Variants in FBXW8 observed in about 807,000 individuals in gnomAD.
FBXW8 encodes the protein F-box/WD repeat-containing protein 8.
FBXW8 carries 57 observed loss-of-function variants against 65.3 expected under a neutral mutation model. The ratio of observed to expected loss-of-function variants is 0.87; its 90% confidence interval spans 0.71 to 1.09. The LOEUF (loss-of-function observed/expected upper bound fraction) is 1.09. Ranked by LOEUF, FBXW8 falls within the 50% of genes least tolerant of loss-of-function variation. FBXW8 has a pLI of 0.00. For missense variants in FBXW8, 777 were observed against 814.8 expected, an observed-to-expected ratio of 0.95 and a Z score of 0.57; for synonymous variants, 308 against 330.2, an observed-to-expected ratio of 0.93 and a Z score of 0.73.
chr12:116,920,099 T>C lies in FBXW8; in HGVS notation c.319-7924T>C, dbSNP rs924112548. ...TTTGCCTGCCTTTTAAAGCTCAGCT[T>C]GAGTTCTGTCTCCTGTGTTAATTCT... On this transcript the variant is annotated intron_variant, in intron 1 of 10. Coordinates refer to ENST00000652555, the MANE Select transcript of FBXW8 (RefSeq NM_153348.3). 4.6e-5 allele frequency among the ~76,000 whole-genome samples: 7 copies of C among 152,254 alleles called. No homozygotes were observed. In the South Asian group the frequency reaches 1.2e-3, roughly 27 times the overall value.
chr12:116,976,383 CT>C (rs1227507622), intron 5 of FBXW8, among the ~76,000 whole-genome samples: 1 of 102,890 alleles, frequency 9.7e-6, no homozygotes, highest in African/African-American at 4.0e-5. Flanking sequence ...CTCCCCTTTT[CT>C]TTAAAAAAAA....
chr12:116,966,178 T>C (rs1416174767), intron 5 of FBXW8, among the ~76,000 whole-genome samples: 1 of 152,206 alleles, frequency 6.6e-6, no homozygotes, highest in Non-Finnish European at 1.5e-5. Context: ...CTGAGCTGTT[T>C]CTGTGGTATA....
intron 1 of FBXW8, among the ~76,000 whole-genome samples, chr12:116,917,651 T>C (rs948403924): frequency 3.9e-5 from 6 of 152,220 alleles, no homozygotes; most frequent in Admixed American, 3.9e-4. Context: ...GAGTGTCATC[T>C]GGCTGGTATA....
At chr12:116,990,188 GAT>G (rs1195593819) in intron 7 of FBXW8, among the ~76,000 whole-genome samples, 1 of 152,218 alleles carries the variant, frequency 6.6e-6, no homozygotes, top group African/African-American at 2.4e-5. Context: ...AGCGGTAGAC[GAT>G]ATGTGTGGCA....
At chr12:116,923,324 G>A (rs930412509) in intron 1 of FBXW8, among the ~76,000 whole-genome samples, 2 of 151,914 alleles carry the variant, frequency 1.3e-5, no homozygotes, top group Admixed American at 6.5e-5. Context: ...AATACAGGAC[G>A]AAAGTCCCCA....
rs1242935332 is a variant in FBXW8, at chr12:116,944,083, G to T, written c.424-1281G>T. Among the ~76,000 whole-genome samples, 5 of 152,192 alleles carry T rather than the reference G, an allele frequency of 3.3e-5. No homozygotes were observed. The East Asian group carries it at 9.6e-4, about 29-fold the overall frequency. ...TTTTTACAGCTGCTATCTTCACGAG[G>T]TTGTTGATTTTTAAGGCAATCCTGG... On this transcript the variant is annotated intron_variant, in intron 2 of 10. Coordinates refer to ENST00000652555, the MANE Select transcript of FBXW8 (RefSeq NM_153348.3).
chr12:116,963,233 T>C (rs2137387160), intron 4 of FBXW8, among the ~76,000 whole-genome samples: 1 of 152,322 alleles, frequency 6.6e-6, no homozygotes, highest in South Asian at 2.1e-4. Flanking sequence ...GCAATATATG[T>C]ATTTACTGTA....
rs375530922 is a variant in FBXW8, at chr12:117,010,399, A to C, written c.1316A>C (p.Asn439Thr). ...GTTCTCCGTGACTTCACGTGTGTCA[A>C]CCTCAGCGACAGCCCTCCCAACCTC... ...GNVLRDFTCV[N>T]LSDSPPNLMV... Residue 439 changes from asparagine (N) to threonine (T), a missense_variant, in exon 8 of 11, where the codon AAC (asparagine) becomes ACC (threonine). Coordinates refer to ENST00000652555, the MANE Select transcript of FBXW8 (RefSeq NM_153348.3). 1.9e-6 allele frequency: 3 copies of C among 1,614,054 alleles called. No individual in the cohort carries two copies. The highest frequency in any genetic ancestry group is 1.1e-5 in the South Asian group (1 of 91,084).
At chr12:116,984,023 C>A (rs2135666866) in intron 5 of FBXW8, among the ~76,000 whole-genome samples, 1 of 152,264 alleles carries the variant, frequency 6.6e-6, no homozygotes, top group Non-Finnish European at 1.5e-5. Context: ...ACATTTATTT[C>A]TTGGTGAATT....
Position 116,999,823 on chromosome 12 carries a change from C to T in FBXW8, c.1240-10500C>T, listed in dbSNP as rs115052869. Among the ~76,000 whole-genome samples the T allele has an allele frequency of 9.3e-3, 1,415 of 152,274 alleles. 21 individuals carry two copies. The highest frequency in any genetic ancestry group is 0.032 in the African/African-American group (1,338 of 41,556). Reference sequence around the variant, plus strand: ...TCAATGTGCCACATTCATTCCTGACCGGGGACTGGCACTAGCATCCCCTCT... The same window carrying T: ...TCAATGTGCCACATTCATTCCTGACTGGGGACTGGCACTAGCATCCCCTCT... On this transcript the variant is annotated intron_variant, in intron 7 of 10. Coordinates refer to ENST00000652555, the MANE Select transcript of FBXW8 (RefSeq NM_153348.3).
At chr12:116,930,310 A>C (rs1881670893) in intron 2 of FBXW8, among the ~76,000 whole-genome samples, 1 of 152,104 alleles carries the variant, frequency 6.6e-6, no homozygotes, top group Non-Finnish European at 1.5e-5. Flanking sequence ...CCTTCTCTCC[A>C]TGTCTTTGCC....
At chr12:117,006,870 CCAT>C (rs1399202819) in intron 7 of FBXW8, among the ~76,000 whole-genome samples, 2 of 152,146 alleles carry the variant, frequency 1.3e-5, no homozygotes, top group African/African-American at 2.4e-5. Flanking sequence ...TATAAACAAT[CCAT>C]ATGGAGTTGT....
At chr12:116,998,140 A>G (rs1418287392) in intron 7 of FBXW8, among the ~76,000 whole-genome samples, 2 of 152,172 alleles carry the variant, frequency 1.3e-5, no homozygotes, top group African/African-American at 4.8e-5. Flanking sequence ...TTTTAAAAGA[A>G]TGCATTTATG....
At chr12:116,991,612 G>T (rs945348531) in intron 7 of FBXW8, among the ~76,000 whole-genome samples, 1 of 152,196 alleles carries the variant, frequency 6.6e-6, no homozygotes, top group African/African-American at 2.4e-5. Flanking sequence ...AGTAGAGTTT[G>T]CCTGGAGCTA....
At chr12:116,971,866 GTTT>G (rs1429501748) in intron 5 of FBXW8, among the ~76,000 whole-genome samples, 1 of 152,132 alleles carries the variant, frequency 6.6e-6, no homozygotes, top group African/African-American at 2.4e-5. Flanking sequence ...GTCATGAATT[GTTT>G]TTCACACCAA....
At position 116,953,983 on chromosome 12, in the gene FBXW8, G is replaced by A. The variant is rs375930820; in HGVS notation, c.677+4277G>A. ...ACAAAAATTAGCTGGGCGTGGTGGC[G>A]GGCACCTGTAATCCTAGCTACTTGG... On this transcript the variant is annotated intron_variant, in intron 4 of 10. Coordinates refer to ENST00000652555, the MANE Select transcript of FBXW8 (RefSeq NM_153348.3). Among the ~76,000 whole-genome samples the A allele has an allele frequency of 1.3e-4, 19 of 151,572 alleles. No homozygotes were observed. The East Asian group carries it at 1.9e-3, about 16-fold the overall frequency.
At position 117,022,998 on chromosome 12, in the gene FBXW8, C is replaced by T. The variant is rs188881934; in HGVS notation, c.1368-1149C>T. 2.9e-3 allele frequency among the ~76,000 whole-genome samples: 447 copies of T among 152,336 alleles called. 3 individuals are homozygous for T. The highest frequency in any genetic ancestry group is 0.01 in the African/African-American group (427 of 41,560). On this transcript the variant is annotated intron_variant, in intron 8 of 10. Coordinates refer to ENST00000652555, the MANE Select transcript of FBXW8 (RefSeq NM_153348.3). ...TCTGTCTTCTTGTTCTGGTATTTTG[C>T]TATGCCACTTTCTTTCAGAGAGTAT...
chr12:116,992,045 A>G (rs1953254182), intron 7 of FBXW8, among the ~76,000 whole-genome samples: 1 of 152,218 alleles, frequency 6.6e-6, no homozygotes. Flanking sequence ...TGGCATTGGC[A>G]TGTTAAAACA....
Position 116,985,089 on chromosome 12 carries a change from GT to G in FBXW8, c.836-116del, listed in dbSNP as rs1215876093. 2.3e-5 allele frequency: 18 copies of G among 776,184 alleles called. No homozygotes were observed. In the Admixed American group the frequency reaches 4.3e-4, roughly 18 times the overall value. 48.1% of individuals were successfully genotyped at this position (776,184 alleles called of 1,614,324 possible). Reference sequence around the variant, plus strand: ...TAAGTGATTTCGTGTTTAGACTTGGGTCTCATTTCCAAGGTATCTCCGTTAA... The same window carrying G: ...TAAGTGATTTCGTGTTTAGACTTGGGCTCATTTCCAAGGTATCTCCGTTAA... On this transcript the variant is annotated intron_variant, in intron 5 of 10. Transcript: ENST00000652555.
Sources: allele counts gnomAD v4.1 joint callset (sites outside exome capture counted in the v4.1 genomes callset), GRCh38; gene constraint gnomAD v4.1.1; transcripts MANE v1.5; gene names NCBI Gene and HGNC (gene_info 2026-07-23, HGNC 2026-07-21).